Variants in ARHGEF33 observed in about 807,000 individuals in gnomAD.
The protein encoded by ARHGEF33 is DH and coiled-coil domain-containing protein ENSP00000381780.
Under a neutral mutation model 101.9 loss-of-function variants are expected in ARHGEF33, and 72 were observed. The ratio of observed to expected loss-of-function variants is 0.71; its 90% CI spans 0.58 to 0.86. ARHGEF33 has a LOEUF of 0.86. Ranked by LOEUF, ARHGEF33 falls within the 40% of genes least tolerant of loss-of-function variation. The probability of loss-of-function intolerance (pLI) is 0.00; values close to 1 mark genes in which losing one functional copy is unlikely to be tolerated. For missense variants in ARHGEF33, 1,169 were observed against 1,111.3 expected (o/e 1.05, Z -0.74); for synonymous variants, 499 against 442.5 (o/e 1.13, Z -1.60).
intron 8 of ARHGEF33, 147 bp downstream of exon 8, chr2:38,935,981 A>G (rs1667118431): frequency 8.4e-6 from 6 of 712,978 alleles, no homozygotes; most frequent in Non-Finnish European, 1.4e-5. Context: ...AGATTCCAAG[A>G]TGTGTACTAG....
intron 14 of ARHGEF33, 21 bp from the exon 15 acceptor site, chr2:38,958,013 C>T (rs1372495528): frequency 3.2e-6 from 5 of 1,552,092 alleles, no homozygotes. Context: ...AACCTGAGAA[C>T]TGTTATTTCC....
rs1667180878 is a variant in ARHGEF33, at chr2:38,937,624, C to CA, written c.790+68dup. Reference sequence around the variant, plus strand: ...ACAGGATGTACCAGAGCTTTGAACTCAAAGGCGAGAATCCTTGCCGTTTAG... The same window carrying CA: ...ACAGGATGTACCAGAGCTTTGAACTCAAAAGGCGAGAATCCTTGCCGTTTAG... On this transcript the variant is annotated intron_variant, in intron 9 of 17. Coordinates refer to ENST00000409978, the MANE Select transcript of ARHGEF33 (RefSeq NM_001145451.5). 6.2e-6 allele frequency: 6 copies of CA among 972,028 alleles called. No homozygotes were observed. In the South Asian group the frequency reaches 9.5e-5, roughly 15 times the overall value. 60.2% of individuals were successfully genotyped at this position (972,028 alleles called of 1,614,324 possible). A position where few individuals can be genotyped will look rare whatever the true frequency, so the allele number is the denominator to read the frequency against.
chr2:38,955,569 G>C (rs2124418020), intron 13 of ARHGEF33, among the ~76,000 whole-genome samples: 2 of 126,530 alleles, frequency 1.6e-5, no homozygotes, highest in African/African-American at 6.2e-5. Flanking sequence ...GCTTGATCTT[G>C]GCTCACTGCA....
intron 9 of ARHGEF33, among the ~76,000 whole-genome samples, chr2:38,939,029 A>T (rs1197218001): frequency 1.3e-5 from 2 of 151,982 alleles, no homozygotes; most frequent in African/African-American, 2.4e-5. Context: ...CTGGAGTGCA[A>T]TGTCGTGATC....
At chr2:38,909,256 T>C (rs1666458294) in intron 2 of ARHGEF33, among the ~76,000 whole-genome samples, 1 of 152,206 alleles carries the variant, frequency 6.6e-6, no homozygotes, top group Non-Finnish European at 1.5e-5. Flanking sequence ...ATTTTCAAAA[T>C]AAGGCCACTT....
At chr2:38,906,291 G>A (rs1259603937) in intron 2 of ARHGEF33, among the ~76,000 whole-genome samples, 1 of 152,054 alleles carries the variant, frequency 6.6e-6, no homozygotes, top group African/African-American at 2.4e-5. Context: ...GTAGGGGGAT[G>A]GAACACTTCT....
intron 2 of ARHGEF33, 81 bp from the exon 3 acceptor site, chr2:38,919,281 AT>A (rs1415197505): frequency 3.1e-6 from 2 of 645,728 alleles, no homozygotes; most frequent in South Asian, 2.2e-5. Flanking sequence ...GTTCATTTCA[AT>A]TTTTTTACTA....
At chr2:38,973,258 T>C (rs900383932) in intron 17 of ARHGEF33, 2 of 152,788 alleles carry the variant, frequency 1.3e-5, no homozygotes, top group Non-Finnish European at 2.9e-5. Context: ...CTTCAATAAA[T>C]CTTTCATTTA....
At chr2:38,894,128 G>C (rs762593721) in intron 1 of ARHGEF33, among the ~76,000 whole-genome samples, 5 of 152,036 alleles carry the variant, frequency 3.3e-5, no homozygotes, top group African/African-American at 1.2e-4. Context: ...AGACCAGCTT[G>C]GGCAACGTGG....
rs376671887 is a variant in ARHGEF33, at chr2:38,965,161, G to A, written c.2344-845G>A. 2.5e-3 allele frequency among the ~76,000 whole-genome samples: 377 copies of A among 152,148 alleles called. 2 individuals carry two copies. Among genetic ancestry groups the A allele is most frequent in the Non-Finnish European group, 4.7e-3 (320 of 68,004 alleles). The stretch of plus-strand genomic sequence containing the variant: ...GGTGTGGTTTTTGCTTTGACTTCTT[G>A]GGGTTCTCTAAAGGTTATTCAAAAT... On this transcript the variant is annotated intron_variant, in intron 16 of 17. Transcript: ENST00000409978.
intron 13 of ARHGEF33, among the ~76,000 whole-genome samples, chr2:38,956,296 C>T (rs971504044): frequency 4.6e-5 from 7 of 152,150 alleles, no homozygotes; most frequent in Admixed American, 4.6e-4. Flanking sequence ...CTTCGTACCT[C>T]GATTTCCTTA....
chr2:38,900,657 G>C (rs1020058278), intron 2 of ARHGEF33, among the ~76,000 whole-genome samples: 4 of 152,162 alleles, frequency 2.6e-5, no homozygotes, highest in African/African-American at 9.7e-5. Flanking sequence ...AACCTTTCCA[G>C]ATTCTGATTA....
At chr2:38,901,943 A>G (rs944519226) in intron 2 of ARHGEF33, among the ~76,000 whole-genome samples, 1 of 152,024 alleles carries the variant, frequency 6.6e-6, no homozygotes, top group Non-Finnish European at 1.5e-5. Context: ...GTGAAACCCC[A>G]TCTCTACTAA....
intron 2 of ARHGEF33, among the ~76,000 whole-genome samples, chr2:38,911,849 G>C (rs529842996): frequency 6.6e-6 from 1 of 151,900 alleles, no homozygotes; most frequent in African/African-American, 2.4e-5. Context: ...CTTTGGCCTG[G>C]GTAACAGAGT....
At chr2:38,901,984 G>A (rs531104728) in intron 2 of ARHGEF33, among the ~76,000 whole-genome samples, 1 of 151,906 alleles carries the variant, frequency 6.6e-6, no homozygotes, top group African/African-American at 2.4e-5. Flanking sequence ...GCGTGTTGGC[G>A]GGCGCCTGTA....
At position 38,958,261 on chromosome 2, in the gene ARHGEF33, G is replaced by A. The variant is rs79465908; in HGVS notation, c.1535+63G>A. 4,809 of 1,530,384 alleles carry A rather than the reference G, an allele frequency of 3.1e-3. 11 individuals carry two copies. The highest frequency in any genetic ancestry group is 3.9e-3 in the Non-Finnish European group (4,392 of 1,133,974). 94.8% of individuals were successfully genotyped at this position (1,530,384 alleles called of 1,614,324 possible). On this transcript the variant is annotated intron_variant, in intron 15 of 17. Transcript: ENST00000409978. ...CCTTTGGGACCCAGCCAGTCTGTGC[G>A]GGTTAGCAGGGCAGCCTAGATTCCT...
At chr2:38,933,311 G>A (rs1667049408) in intron 7 of ARHGEF33, among the ~76,000 whole-genome samples, 1 of 152,176 alleles carries the variant, frequency 6.6e-6, no homozygotes, top group Admixed American at 6.5e-5. Context: ...CAATTTGGCA[G>A]CTAGCTTCTC....
At chr2:38,894,416 G>T (rs528521807) in intron 1 of ARHGEF33, among the ~76,000 whole-genome samples, 5 of 36,806 alleles carry the variant, frequency 1.4e-4, no homozygotes, top group Non-Finnish European at 4.5e-4. Flanking sequence ...ATCTGTATAT[G>T]CTGGGGGAAA....
intron 15 of ARHGEF33, 137 bp from the exon 16 acceptor site, chr2:38,959,704 T>G: frequency 5.3e-6 from 5 of 945,918 alleles, no homozygotes; most frequent in African/African-American, 1.7e-5. Flanking sequence ...GGGAGCGCCT[T>G]AGTGGAAGTT....
Sources: gnomAD v4.1 joint callset for allele counts (sites outside exome capture counted in the v4.1 genomes callset) on GRCh38, gnomAD v4.1.1 for gene constraint, MANE v1.5 for transcripts, NCBI Gene and HGNC (gene_info 2026-07-23, HGNC 2026-07-21) for gene names.